Variants in DLGAP2 observed in about 807,000 individuals in gnomAD.
DLGAP2 encodes disks large-associated protein 2.
DLGAP2 carries 26 observed loss-of-function variants against 100.3 expected under a neutral mutation model. The ratio of observed to expected loss-of-function variants is 0.26; its 90% CI spans 0.19 to 0.36. The LOEUF is 0.36. Among genes scored for constraint, DLGAP2 ranks in the 10% least tolerant of loss-of-function variants. The probability of loss-of-function intolerance (pLI) is 1.00; values close to 1 mark genes in which losing one functional copy is unlikely to be tolerated. For synonymous variants in DLGAP2, 886 were observed against 630.1 expected, an observed-to-expected ratio of 1.41 and a Z score of -6.08; for missense variants, 1,858 against 1,453.2, an observed-to-expected ratio of 1.28 and a Z score of -4.53.
chr8:1,116,001 G>A (rs576066395), intron 2 of DLGAP2, among the ~76,000 whole-genome samples: 1 of 152,324 alleles, frequency 6.6e-6, no homozygotes, highest in East Asian at 1.9e-4. Flanking sequence ...CCAGCAGACA[G>A]CACCGTGGGA....
chr8:1,452,639 A>C (rs546387889), intron 3 of DLGAP2, among the ~76,000 whole-genome samples: 137 of 152,142 alleles, frequency 9.0e-4, no homozygotes, highest in Non-Finnish European at 1.1e-3. Flanking sequence ...GAAACAGACC[A>C]CTTAGGAGGC....
chr8:774,420 G>C (rs1267388055), intron 1 of DLGAP2, among the ~76,000 whole-genome samples: 3 of 152,166 alleles, frequency 2.0e-5, no homozygotes, highest in African/African-American at 7.2e-5. Flanking sequence ...TGAAGTCCTT[G>C]CCTATGCCTA....
chr8:1,285,419 T>A (rs920628818), intron 3 of DLGAP2, among the ~76,000 whole-genome samples: 9 of 152,156 alleles, frequency 5.9e-5, no homozygotes, highest in Non-Finnish European at 2.9e-5. Context: ...TGCGTTTAGA[T>A]TAGTTTTGGA....
intron 1 of DLGAP2, among the ~76,000 whole-genome samples, chr8:870,187 T>C (rs1563072441): frequency 6.6e-6 from 1 of 152,196 alleles, no homozygotes; most frequent in Non-Finnish European, 1.5e-5. Flanking sequence ...TCCTCCAAAA[T>C]GTGGATATTT....
At chr8:1,455,419 C>T (rs1798284185) in intron 3 of DLGAP2, among the ~76,000 whole-genome samples, 1 of 152,214 alleles carries the variant, frequency 6.6e-6, no homozygotes, top group Non-Finnish European at 1.5e-5. Context: ...CCTGGTCTGT[C>T]AGGACTCAGC....
chr8:1,226,145 ATGGGCATTC>A (rs1798410822), intron 2 of DLGAP2, among the ~76,000 whole-genome samples: 1 of 152,180 alleles, frequency 6.6e-6, no homozygotes, highest in African/African-American at 2.4e-5. Context: ...AGTTTAAACC[ATGGGCATTC>A]TGTTATAAAG....
chr8:1,506,520 A>G (rs937115734), intron 4 of DLGAP2, among the ~76,000 whole-genome samples: 2 of 152,188 alleles, frequency 1.3e-5, no homozygotes, highest in African/African-American at 2.4e-5. Context: ...TCATAAAAGG[A>G]GTGCGGACCC....
intron 6 of DLGAP2, chr8:1,621,036 A>T (rs80185119): frequency 6.6e-6 from 1 of 152,196 alleles, no homozygotes; most frequent in Non-Finnish European, 1.5e-5. Flanking sequence ...TAAGAAATCT[A>T]TGTTCCAGTC....
intron 1 of DLGAP2, among the ~76,000 whole-genome samples, chr8:815,844 A>G (rs923573509): frequency 6.6e-6 from 1 of 152,226 alleles, no homozygotes; most frequent in Non-Finnish European, 1.5e-5. Flanking sequence ...ATCTCATTTT[A>G]TCTCATTTCT....
intron 2 of DLGAP2, among the ~76,000 whole-genome samples, chr8:1,029,997 G>A (rs1274159216): frequency 2.0e-5 from 3 of 152,142 alleles, no homozygotes; most frequent in African/African-American, 4.8e-5. Context: ...TGGGAGGCCC[G>A]GCCCTGCACC....
chr8:952,808 T>C (rs887908312), intron 2 of DLGAP2, among the ~76,000 whole-genome samples: 2 of 152,234 alleles, frequency 1.3e-5, no homozygotes, highest in South Asian at 2.1e-4. Context: ...ATTAGAAGCA[T>C]GTGGAGTCTC....
At chr8:1,092,297 C>T (rs947580847) in intron 2 of DLGAP2, among the ~76,000 whole-genome samples, 10 of 152,236 alleles carry the variant, frequency 6.6e-5, no homozygotes, top group African/African-American at 2.4e-4. Flanking sequence ...GCCGGGCTGG[C>T]ACCTCCACAG....
At chr8:1,390,975 C>T (rs1178126592) in intron 3 of DLGAP2, among the ~76,000 whole-genome samples, 2 of 152,178 alleles carry the variant, frequency 1.3e-5, no homozygotes, top group Non-Finnish European at 1.5e-5. Context: ...GACCCAGGGT[C>T]TGTGCTGGCA....
intron 3 of DLGAP2, among the ~76,000 whole-genome samples, chr8:1,341,654 T>A (rs1333910945): frequency 2.0e-5 from 3 of 152,182 alleles, no homozygotes; most frequent in Non-Finnish European, 4.4e-5. Context: ...GTGGGCTGTC[T>A]TGACCAGAGG....
chr8:1,448,679 A>G (rs1331143406), intron 3 of DLGAP2, among the ~76,000 whole-genome samples: 1 of 152,234 alleles, frequency 6.6e-6, no homozygotes, highest in East Asian at 1.9e-4. Flanking sequence ...CTTCTGAGCA[A>G]CTATCTTGAA....
At chr8:1,287,157 TGCGCGCGCGC>T (rs1259394109) in intron 3 of DLGAP2, among the ~76,000 whole-genome samples, 2 of 99,496 alleles carry the variant, frequency 2.0e-5, no homozygotes, top group African/African-American at 3.2e-5. Context: ...TGTGTGTGTG[TGCGCGCGCGC>T]GCGTGGTTCT....
intron 3 of DLGAP2, among the ~76,000 whole-genome samples, chr8:1,346,283 A>G (rs922917125): frequency 6.7e-6 from 1 of 149,966 alleles, no homozygotes; most frequent in Non-Finnish European, 1.5e-5. Flanking sequence ...TTGAGTTCCC[A>G]TACACATCTG....
intron 2 of DLGAP2, among the ~76,000 whole-genome samples, chr8:934,495 G>A (rs114659161): frequency 2.6e-5 from 4 of 152,158 alleles, no homozygotes; most frequent in African/African-American, 9.7e-5. Flanking sequence ...CCACCTCTTC[G>A]ATTCTTGCCT....
chr8:948,447 T>A (rs996512571), intron 2 of DLGAP2, among the ~76,000 whole-genome samples: 2 of 152,198 alleles, frequency 1.3e-5, no homozygotes, highest in African/African-American at 4.8e-5. Context: ...CCTTCCTTCC[T>A]CAGGCCCGGC....
Sources: allele counts gnomAD v4.1 joint callset (sites outside exome capture counted in the v4.1 genomes callset), GRCh38; gene constraint gnomAD v4.1.1; transcripts MANE v1.5; gene names NCBI Gene and HGNC (gene_info 2026-07-23, HGNC 2026-07-21).